The following EZH1 variants were observed in gnomAD, a reference collection of about 807,000 sequenced individuals.
EZH1 encodes the protein enhancer of zeste 1 polycomb repressive complex 2 subunit.
In EZH1, 33 loss-of-function variants were observed where a neutral mutation model predicts 100.5. The observed-to-expected ratio is 0.33, with a 90% CI of 0.25 to 0.44. The LOEUF (loss-of-function observed/expected upper bound fraction) is 0.44, where lower values mean the gene tolerates loss of function less well. Ranked by LOEUF, EZH1 falls within the 20% of genes least tolerant of loss-of-function variation. The pLI is 1.00. For missense variants in EZH1, 475 were observed against 928.4 expected (o/e 0.51, Z 6.35); for synonymous variants, 272 against 313.8 (o/e 0.87, Z 1.41).
At position 42,701,218 on chromosome 17, in the gene EZH1, C is replaced by T. The variant is rs117678397; in HGVS notation, c.*1314G>A. 4.3e-3 allele frequency: 660 copies of T among 152,944 alleles called. 3 individuals are homozygous for T. The highest frequency in any genetic ancestry group is 6.8e-3 in the Non-Finnish European group (462 of 68,054). The allele number at this position is 152,944 out of a possible 1,614,324, so 9.5% of individuals were successfully genotyped here. A position where few individuals can be genotyped will look rare whatever the true frequency, so the allele number is the denominator to read the frequency against. ...TCTCCCACCCTCTCTTCTTCCCCCT[C>T]CCTCAGGAGTGGGATTTAGGCAGGG... On this transcript the variant is annotated 3_prime_UTR_variant, in exon 21 of 21. Coordinates refer to ENST00000428826, the MANE Select transcript of EZH1 (RefSeq NM_001991.5).
intron 1 of EZH1, among the ~76,000 whole-genome samples, chr17:42,739,516 G>T (rs781520411): frequency 6.6e-6 from 1 of 152,130 alleles, no homozygotes; most frequent in Non-Finnish European, 1.5e-5. Flanking sequence ...TGGATCACCT[G>T]AGGACAGGGG....
intron 3 of EZH1, 114 bp from the exon 4 acceptor site, chr17:42,727,877 C>G: frequency 5.2e-6 from 4 of 761,950 alleles, no homozygotes; most frequent in Non-Finnish European, 6.9e-6. Context: ...AGTGTAGTAG[C>G]GCGATCTCAG....
At chr17:42,709,442 T>G in intron 13 of EZH1, 1 of 180,202 alleles carries the variant, frequency 5.5e-6, no homozygotes, top group Non-Finnish European at 1.2e-5. Context: ...ACTTCCAACC[T>G]AAGTAAAGGC....
intron 12 of EZH1, among the ~76,000 whole-genome samples, chr17:42,711,952 G>A (rs771723024): frequency 3.0e-4 from 46 of 152,172 alleles, no homozygotes; most frequent in Non-Finnish European, 5.6e-4. Context: ...GCCACAGAAA[G>A]ACCTGGGAGT....
At chr17:42,722,713 A>C (rs1433158653) in intron 6 of EZH1, 82 bp downstream of exon 6, 2 of 1,454,962 alleles carry the variant, frequency 1.4e-6, no homozygotes, top group East Asian at 4.6e-5. Context: ...CAGAAGATAA[A>C]AGCAAGATGG....
chr17:42,705,068 G>A lies in EZH1; in HGVS notation c.1935+20C>T. 6.3e-7 allele frequency: 1 copy of A among 1,597,366 alleles called. No homozygotes were observed. Among genetic ancestry groups the A allele is most frequent in the Non-Finnish European group, 8.6e-7 (1 of 1,165,556 alleles). On this transcript the variant is annotated intron_variant, in intron 17 of 20. Coordinates refer to ENST00000428826, the MANE Select transcript of EZH1 (RefSeq NM_001991.5). ...CAGTCTCCCCCGAGTAAGAATGTGG[G>A]CCAAAACTATAGCACTCACCTCACC... is the stretch of plus-strand genomic sequence containing the variant.
In EZH1 at chr17:42,739,180, T is replaced by G. The variant is rs1302241836; in HGVS notation, c.-103+5831A>C. Among the ~76,000 whole-genome samples the G allele has an allele frequency of 2.0e-5, 3 of 152,222 alleles. No individual in the cohort carries two copies. In the East Asian group the frequency reaches 5.8e-4, roughly 29 times the overall value. ...CTAGTAACACACCTTTGGGTCATTC[T>G]GGTGATCACCAATTTCATCAACATT... On this transcript the variant is annotated intron_variant, in intron 1 of 20. Coordinates refer to ENST00000428826, the MANE Select transcript of EZH1 (RefSeq NM_001991.5).
chr17:42,710,481 C>T (rs546167397), intron 12 of EZH1, among the ~76,000 whole-genome samples: 2 of 152,184 alleles, frequency 1.3e-5, no homozygotes, highest in African/African-American at 2.4e-5. Context: ...TCTTTGAAAA[C>T]TGTAACTATT....
intron 6 of EZH1, 37 bp downstream of exon 6, chr17:42,722,758 C>G (rs1345355452): frequency 6.2e-7 from 1 of 1,600,518 alleles, no homozygotes; most frequent in Admixed American, 1.7e-5. Flanking sequence ...AGGCCTGATT[C>G]TAACAAAATT....
rs968388522 is a variant in EZH1, at chr17:42,724,545, G to C, written c.247-121C>G. 2.9e-5 allele frequency: 35 copies of C among 1,222,752 alleles called. No homozygotes were observed. In the African/African-American group the frequency reaches 5.1e-4, roughly 18 times the overall value. 75.7% of individuals were successfully genotyped at this position (1,222,752 alleles called of 1,614,324 possible). A position where few individuals can be genotyped will look rare whatever the true frequency, so the allele number is the denominator to read the frequency against. On this transcript the variant is annotated intron_variant, in intron 4 of 20. Coordinates refer to ENST00000428826, the MANE Select transcript of EZH1 (RefSeq NM_001991.5). Reference sequence around the variant, plus strand: ...CATGCCAGTAATCCCAGCACTTTGGGAGGCCAAGACAGGCAGATCACTTGA... The same window carrying C: ...CATGCCAGTAATCCCAGCACTTTGGCAGGCCAAGACAGGCAGATCACTTGA...
At chr17:42,722,739 C>T (rs376833490) in intron 6 of EZH1, 56 bp downstream of exon 6, 1 of 1,573,024 alleles carries the variant, frequency 6.4e-7, no homozygotes, top group Non-Finnish European at 8.6e-7. Flanking sequence ...TGATGAGGTA[C>T]CAAAGAAGAG....
At position 42,722,930 on chromosome 17, in the gene EZH1, G is replaced by A; in HGVS notation, c.367-15C>T. The A allele has an allele frequency of 6.2e-7, 1 of 1,610,590 alleles. No homozygotes were observed. Among genetic ancestry groups the A allele is most frequent in the Non-Finnish European group, 8.5e-7 (1 of 1,178,700 alleles). On this transcript the variant is annotated splice_polypyrimidine_tract_variant and intron_variant, in intron 5 of 20. Transcript: ENST00000428826. Reference sequence around the variant, plus strand: ...TCATCTTCTACCTGAAACCAAACCAGATGTGATTTATTCCATGAAGCCATC... The same window carrying A: ...TCATCTTCTACCTGAAACCAAACCAAATGTGATTTATTCCATGAAGCCATC...
At chr17:42,731,552 C>T (rs1415437020) in intron 1 of EZH1, among the ~76,000 whole-genome samples, 4 of 152,088 alleles carry the variant, frequency 2.6e-5, no homozygotes, top group African/African-American at 9.7e-5. Context: ...ATAATAACTA[C>T]TTGGGTTTCT....
chr17:42,706,190 G>A lies in EZH1; in HGVS notation c.1661-5C>T. ...AGCCAGGGAAACGATTCTGACCTGG[G>A]AAGGGAAGACAGGTAAGTCTTAGAA... On this transcript the variant is annotated splice_polypyrimidine_tract_variant and splice_region_variant and intron_variant, in intron 15 of 20. Coordinates refer to ENST00000428826, the MANE Select transcript of EZH1 (RefSeq NM_001991.5). This position sits in a 1 kb window ranked among gnomAD's most constrained non-coding sequence, Gnocchi z 4.4. 1.9e-6 allele frequency: 3 copies of A among 1,605,194 alleles called. No homozygotes were observed. Among genetic ancestry groups the A allele is most frequent in the Non-Finnish European group, 1.7e-6 (2 of 1,174,178 alleles).
chr17:42,737,017 G>C (rs542049180), intron 1 of EZH1, among the ~76,000 whole-genome samples: 1 of 147,388 alleles, frequency 6.8e-6, no homozygotes, highest in East Asian at 2.0e-4. Flanking sequence ...ACAGAGTCTC[G>C]CTCTGTCGCC....
At chr17:42,720,212 TCTTC>T in intron 7 of EZH1, 57 bp downstream of exon 7, 2 of 1,531,568 alleles carry the variant, frequency 1.3e-6, no homozygotes, top group Middle Eastern at 1.8e-4. Flanking sequence ...TCTTTCCAGT[TCTTC>T]CTTCTTCCCT....
At position 42,718,801 on chromosome 17, in the gene EZH1, T is replaced by G. The variant is rs2053653589; in HGVS notation, c.768-184A>C. On this transcript the variant is annotated intron_variant, in intron 8 of 20. Coordinates refer to ENST00000428826, the MANE Select transcript of EZH1 (RefSeq NM_001991.5). The surrounding 1 kb of genome is among the most constrained non-coding windows in gnomAD (Gnocchi z 4.2). ...GTCCACCATTGTAATTATGCTGGGT[T>G]GGGCAAATGTTGGAAAGTAAGGGGA... 6.6e-6 allele frequency among the ~76,000 whole-genome samples: 1 copy of G among 152,066 alleles called. No individual in the cohort carries two copies. Among genetic ancestry groups the G allele is most frequent in the Admixed American group, 6.6e-5 (1 of 15,242 alleles).
intron 16 of EZH1, 45 bp from the exon 17 acceptor site, chr17:42,705,228 G>A: frequency 8.5e-7 from 1 of 1,172,478 alleles, no homozygotes. Context: ...GTGTGCATGA[G>A]TAGGGGGTGT....
chr17:42,718,355 A>T lies in EZH1; in HGVS notation c.931+99T>A, dbSNP rs1034749561. On this transcript the variant is annotated intron_variant, in intron 9 of 20. Coordinates refer to ENST00000428826, the MANE Select transcript of EZH1 (RefSeq NM_001991.5). This position sits in a 1 kb window ranked among gnomAD's most constrained non-coding sequence, Gnocchi z 4.2. The stretch of plus-strand genomic sequence containing the variant: ...GGCCCTTTGTAAAACGTTAGAACAG[A>T]AGCCAGGAACTCTATACGAGAAACC... The T allele has an allele frequency of 4.7e-6, 7 of 1,477,190 alleles. No individual in the cohort carries two copies. The highest frequency in any genetic ancestry group is 2.1e-5 in the Admixed American group (1 of 47,786). 91.5% of individuals were successfully genotyped at this position (1,477,190 alleles called of 1,614,324 possible). A position where few individuals can be genotyped will look rare whatever the true frequency, so the allele number is the denominator to read the frequency against.
Sources: allele counts gnomAD v4.1 joint callset (sites outside exome capture counted in the v4.1 genomes callset), GRCh38; gene constraint gnomAD v4.1.1; non-coding constraint Gnocchi (gnomAD v3.1); transcripts MANE v1.5; gene names NCBI Gene and HGNC (gene_info 2026-07-23, HGNC 2026-07-21).